Variants in ENTREP2 observed in about 807,000 individuals in gnomAD.
The protein encoded by ENTREP2 is protein ENTREP2.
chr15:29,548,453 T>TAAAAAAAAAAAAAA, the ENTREP2 span, among the ~76,000 whole-genome samples: 7 of 134,186 alleles, frequency 5.2e-5, 1 homozygote, highest in African/African-American at 8.4e-5. Context: ...AGATTCTGCC[T>TAAAAAAAAAAAAAA]AAAAAAAAAA....
the ENTREP2 span, among the ~76,000 whole-genome samples, chr15:29,182,274 G>A: frequency 1.9e-3 from 283 of 151,832 alleles, no homozygotes; most frequent in Non-Finnish European, 2.7e-3. Context: ...ACAGGCGCCC[G>A]CCACCGCACC....
At chr15:29,478,006 TATATATATATA>T in the ENTREP2 span, among the ~76,000 whole-genome samples, 31 of 76,956 alleles carry the variant, frequency 4.0e-4, no homozygotes, top group African/African-American at 1.3e-3. Context: ...TATATATATA[TATATATATATA>T]TATTTTTTTT....
the ENTREP2 span, among the ~76,000 whole-genome samples, chr15:29,552,050 A>T: frequency 6.6e-6 from 1 of 152,202 alleles, no homozygotes; most frequent in Admixed American, 6.5e-5. Flanking sequence ...GACAATGTCA[A>T]AGGAACAGTC....
chr15:29,608,522 T>TTTATTA, the ENTREP2 span, among the ~76,000 whole-genome samples: 57,434 of 140,314 alleles, frequency 0.41, 12,755 homozygotes, highest in Non-Finnish European at 0.48. Flanking sequence ...TCCTGCCTTC[T>TTTATTA]TTATTATTAT....
chr15:29,450,058 G>A, the ENTREP2 span, among the ~76,000 whole-genome samples: 1 of 152,284 alleles, frequency 6.6e-6, no homozygotes, highest in Non-Finnish European at 1.5e-5. Context: ...TTGGAAAAGT[G>A]TCTGTTCATG....
At chr15:29,222,654 T>G in the ENTREP2 span, among the ~76,000 whole-genome samples, 3 of 152,112 alleles carry the variant, frequency 2.0e-5, no homozygotes, top group Admixed American at 2.0e-4. Context: ...CTCAGGAGAA[T>G]GTGCTGTGAG....
the ENTREP2 span, among the ~76,000 whole-genome samples, chr15:29,296,138 C>T: frequency 6.6e-6 from 1 of 152,188 alleles, no homozygotes; most frequent in African/African-American, 2.4e-5. Context: ...GTTTCCACAA[C>T]ACCATGAGCC....
chr15:29,558,753 T>C, the ENTREP2 span, among the ~76,000 whole-genome samples: 3 of 14,630 alleles, frequency 2.1e-4, no homozygotes, highest in Non-Finnish European at 4.4e-4. Context: ...AGTCCTCCTC[T>C]TCCTCCTCCT....
chr15:29,535,251 T>TA, the ENTREP2 span, among the ~76,000 whole-genome samples: 3 of 151,930 alleles, frequency 2.0e-5, no homozygotes, highest in Non-Finnish European at 2.9e-5. Flanking sequence ...ACATCATCTC[T>TA]AAAAAAATAA....
chr15:29,424,054 T>C, the ENTREP2 span, among the ~76,000 whole-genome samples: 2 of 152,214 alleles, frequency 1.3e-5, no homozygotes, highest in Admixed American at 1.3e-4. Context: ...TGTCTAGAGT[T>C]TGTTCTTTCA....
the ENTREP2 span, chr15:29,120,615 G>A: frequency 3.3e-5 from 5 of 152,260 alleles, no homozygotes; most frequent in African/African-American, 1.2e-4. Flanking sequence ...GGTCAACGGT[G>A]GTGTCACAGC....
At chr15:29,403,126 T>C in the ENTREP2 span, among the ~76,000 whole-genome samples, 2 of 152,226 alleles carry the variant, frequency 1.3e-5, no homozygotes, top group African/African-American at 4.8e-5. Context: ...ACAAGGTGTG[T>C]AGGGGAGGGA....
chr15:29,292,364 CTTCT>C, the ENTREP2 span, among the ~76,000 whole-genome samples: 245 of 145,672 alleles, frequency 1.7e-3, 1 homozygote, highest in African/African-American at 5.8e-3. Context: ...TCCTTCCTTC[CTTCT>C]TTCTTTCTTT....
the ENTREP2 span, among the ~76,000 whole-genome samples, chr15:29,607,039 G>T: frequency 1.3e-5 from 2 of 152,006 alleles, no homozygotes; most frequent in Non-Finnish European, 1.5e-5. Context: ...CACCATGTTG[G>T]CCAGGCTGTT....
the ENTREP2 span, among the ~76,000 whole-genome samples, chr15:29,328,389 C>T: frequency 6.6e-6 from 1 of 152,154 alleles, no homozygotes; most frequent in South Asian, 2.1e-4. Flanking sequence ...TTGAACTGTA[C>T]AGGCCAAAGA....
the ENTREP2 span, among the ~76,000 whole-genome samples, chr15:29,119,652 AAAAT>A: frequency 9.7e-4 from 9 of 9,252 alleles, no homozygotes; most frequent in African/African-American, 1.2e-3. Flanking sequence ...ATAAAATAAT[AAAAT>A]AATTCACAAT....
the ENTREP2 span, among the ~76,000 whole-genome samples, chr15:29,449,491 C>T: frequency 4.6e-5 from 7 of 152,114 alleles, no homozygotes; most frequent in South Asian, 2.1e-4. Context: ...TCTCTGCTTT[C>T]GGAATGTGAT....
At chr15:29,656,215 G>A in the ENTREP2 span, among the ~76,000 whole-genome samples, 16 of 150,880 alleles carry the variant, frequency 1.1e-4, no homozygotes, top group African/African-American at 3.9e-4. Context: ...ATCAATATAA[G>A]AAATGTTAAC....
chr15:29,636,404 A>G, the ENTREP2 span, among the ~76,000 whole-genome samples: 4 of 152,168 alleles, frequency 2.6e-5, no homozygotes, highest in Non-Finnish European at 5.9e-5. Flanking sequence ...GGTGCTGCTG[A>G]TCAAAGGAGG....
Sources: allele counts gnomAD v4.1 joint callset (sites outside exome capture counted in the v4.1 genomes callset), GRCh38; gene constraint gnomAD v4.1.1; transcripts MANE v1.5; gene names NCBI Gene and HGNC (gene_info 2026-07-23, HGNC 2026-07-21).